CRIM1: variants seen among roughly 807,000 people sequenced by gnomAD.
CRIM1 encodes cysteine rich transmembrane BMP regulator 1, also known as cysteine-rich motor neuron 1 protein.
A neutral mutation model predicts 116.4 loss-of-function variants in CRIM1; 32 were observed. That is an observed-to-expected ratio of 0.27 (90% CI 0.21 to 0.37). CRIM1 has a LOEUF of 0.37. Among genes scored for constraint, CRIM1 ranks in the 10% least tolerant of loss-of-function variants. CRIM1 has a pLI of 1.00. For synonymous variants in CRIM1, 590 were observed against 509.2 expected (o/e 1.16, Z -2.13); for missense variants, 1,331 against 1,354.8 (o/e 0.98, Z 0.28).
chr2:36,535,497 A>G (rs1666481899), intron 13 of CRIM1, among the ~76,000 whole-genome samples: 1 of 152,202 alleles, frequency 6.6e-6, no homozygotes, highest in Admixed American at 6.5e-5. Context: ...TTTTTAATAG[A>G]TACTGAAAAA....
At position 36,531,890 on chromosome 2, in the gene CRIM1, TTGTC is replaced by T. The variant is rs367754322; in HGVS notation, c.2429-5459_2429-5456del. 75 of 470,790 alleles carry T rather than the reference TTGTC, an allele frequency of 1.6e-4. 1 individual carries two copies. The East Asian group carries it at 1.9e-3, about 12-fold the overall frequency. 29.2% of individuals were successfully genotyped at this position (470,790 alleles called of 1,614,324 possible). ...TGAATCCCAAAAGAAAAGAAGATGT[TTGTC>T]TGAGCATCCCATGAGGTAAGCAGCC... On this transcript the variant is annotated intron_variant, in intron 13 of 16. Coordinates refer to ENST00000280527, the MANE Select transcript of CRIM1 (RefSeq NM_016441.3).
At chr2:36,541,861 G>A (rs1666966979) in intron 14 of CRIM1, among the ~76,000 whole-genome samples, 1 of 152,176 alleles carries the variant, frequency 6.6e-6, no homozygotes. Flanking sequence ...GTCTTGGGTT[G>A]AAGGCGGTCT....
intron 4 of CRIM1, among the ~76,000 whole-genome samples, chr2:36,450,286 C>T (rs75242794): frequency 6.6e-6 from 1 of 152,210 alleles, no homozygotes; most frequent in East Asian, 1.9e-4. Context: ...TGGCTACTTG[C>T]TGGCTCCTGG....
chr2:36,542,363 C>T (rs1667005460), intron 14 of CRIM1, among the ~76,000 whole-genome samples: 1 of 152,256 alleles, frequency 6.6e-6, no homozygotes, highest in African/African-American at 2.4e-5. Context: ...ATCCTTCTAA[C>T]TTTCCCTGCT....
intron 4 of CRIM1, among the ~76,000 whole-genome samples, chr2:36,451,317 A>C (rs1208972822): frequency 6.6e-6 from 1 of 152,228 alleles, no homozygotes; most frequent in African/African-American, 2.4e-5. Flanking sequence ...ACACACAGTC[A>C]TCTGCCCTCA....
In CRIM1 at chr2:36,479,674, A is replaced by C; in HGVS notation, c.1352A>C (p.Glu451Ala). 1 of 1,614,114 alleles carries C rather than the reference A, an allele frequency of 6.2e-7. No individual in the cohort carries two copies. Among genetic ancestry groups the C allele is most frequent in the Non-Finnish European group, 8.5e-7 (1 of 1,179,974 alleles). The change falls in exon 7 of 17, where the codon GAG (glutamate) becomes GCG (alanine). Residue 451 changes from glutamate (E) to alanine (A), a missense_variant. By Grantham distance (107) the Glu-to-Ala change is moderately radical (BLOSUM62 -1). This residue lies in a region of CRIM1 where 690 missense variants were observed against 676.0 expected (regional missense o/e 1.02). Coordinates refer to ENST00000280527, the MANE Select transcript of CRIM1 (RefSeq NM_016441.3). ...TCTNPVKVPG[E>A]CCPVCEEPTI... ...ACAAACCCTGTGAAAGTGCCTGGGG[A>C]GTGTTGCCCTGTGTGCGAAGGTAAA...
At chr2:36,453,576 C>A (rs1391888669) in intron 4 of CRIM1, among the ~76,000 whole-genome samples, 2 of 152,152 alleles carry the variant, frequency 1.3e-5, no homozygotes, top group African/African-American at 4.8e-5. Flanking sequence ...CATCAAAACC[C>A]CATAGTGTTC....
chr2:36,358,800 C>T (rs944360984), intron 1 of CRIM1, among the ~76,000 whole-genome samples: 90 of 151,988 alleles, frequency 5.9e-4, no homozygotes, highest in African/African-American at 2.2e-3. Flanking sequence ...CAGCAGTCAA[C>T]TTGCATTCTA....
At chr2:36,545,119 C>T (rs1266790774) in intron 15 of CRIM1, among the ~76,000 whole-genome samples, 1 of 152,190 alleles carries the variant, frequency 6.6e-6, no homozygotes, top group African/African-American at 2.4e-5. Flanking sequence ...TAAACTTGCT[C>T]TTAGCCGTGA....
intron 5 of CRIM1, among the ~76,000 whole-genome samples, chr2:36,469,289 G>T (rs1020204276): frequency 6.6e-6 from 1 of 152,146 alleles, no homozygotes; most frequent in Non-Finnish European, 1.5e-5. Flanking sequence ...AGAGAAAGGG[G>T]ATCTGAATAC....
chr2:36,456,751 C>G (rs1225932308), intron 4 of CRIM1, among the ~76,000 whole-genome samples: 1 of 152,170 alleles, frequency 6.6e-6, no homozygotes, highest in Non-Finnish European at 1.5e-5. Context: ...CGATTACTTT[C>G]AGCTGTGTTT....
intron 1 of CRIM1, among the ~76,000 whole-genome samples, chr2:36,395,957 A>C (rs933626230): frequency 6.6e-6 from 1 of 152,148 alleles, no homozygotes; most frequent in Admixed American, 6.5e-5. Context: ...AGAGAGTCTC[A>C]CCCTGTTTCC....
At chr2:36,470,219 A>T (rs1678389428) in intron 5 of CRIM1, among the ~76,000 whole-genome samples, 1 of 152,222 alleles carries the variant, frequency 6.6e-6, no homozygotes, top group Admixed American at 6.5e-5. Flanking sequence ...CTCCATGAAT[A>T]GTCCTTCTCT....
chr2:36,468,194 G>T lies in CRIM1; in HGVS notation c.991+3539G>T, dbSNP rs187700900. Among the ~76,000 whole-genome samples the T allele has an allele frequency of 3.9e-5, 6 of 152,246 alleles. No homozygotes were observed. The South Asian group carries it at 1.0e-3, about 26-fold the overall frequency. On this transcript the variant is annotated intron_variant, in intron 5 of 16. Transcript: ENST00000280527. ...ATGCAGAAATGGATTATGCACTGCC[G>T]CACTCACTTCCTATGCTGCCATCCA...
At chr2:36,448,264 G>C (rs1676401888) in intron 4 of CRIM1, among the ~76,000 whole-genome samples, 1 of 152,240 alleles carries the variant, frequency 6.6e-6, no homozygotes, top group Admixed American at 6.5e-5. Context: ...TTACCTGAGA[G>C]AAATGGATTC....
chr2:36,396,441 A>G (rs1672033845), intron 1 of CRIM1, among the ~76,000 whole-genome samples, 173 bp from the exon 2 acceptor site: 1 of 152,134 alleles, frequency 6.6e-6, no homozygotes, highest in African/African-American at 2.4e-5. Context: ...TTTTTCAGTT[A>G]TTATGAAGAG....
intron 14 of CRIM1, among the ~76,000 whole-genome samples, chr2:36,542,773 A>G (rs1667035647): frequency 1.3e-5 from 2 of 152,102 alleles, no homozygotes; most frequent in African/African-American, 4.8e-5. Flanking sequence ...TTCTGCCCAT[A>G]TTCACCCAGG....
chr2:36,467,855 A>G (rs848557), intron 5 of CRIM1, among the ~76,000 whole-genome samples: 9,269 of 152,284 alleles, frequency 0.061, 731 homozygotes, highest in East Asian at 0.2. Context: ...TGGATGGGAC[A>G]ACTGTCTCTC....
intron 13 of CRIM1, among the ~76,000 whole-genome samples, chr2:36,522,710 G>A (rs1665481663): frequency 6.7e-6 from 1 of 150,292 alleles, no homozygotes; most frequent in South Asian, 2.1e-4. Context: ...GCTGAGGCAG[G>A]AGAATCACTT....
Sources: allele counts gnomAD v4.1 joint callset (sites outside exome capture counted in the v4.1 genomes callset), GRCh38; gene constraint gnomAD v4.1.1; regional missense constraint gnomAD v4.1.1; transcripts MANE v1.5; gene names NCBI Gene and HGNC (gene_info 2026-07-23, HGNC 2026-07-21).